The following MROH6 variants were observed in gnomAD, a reference collection of about 807,000 sequenced individuals.
The protein encoded by MROH6 is maestro heat-like repeat-containing protein family member 6.
A neutral mutation model predicts 67.7 loss-of-function variants in MROH6; 62 were observed. The observed-to-expected ratio is 0.92, with a 90% confidence interval of 0.75 to 1.13. The LOEUF (loss-of-function observed/expected upper bound fraction) is 1.13, where lower values mean the gene tolerates loss of function less well. MROH6 is among the 50% of genes most tolerant of loss of function. The probability of loss-of-function intolerance (pLI) is 0.00; values close to 1 mark genes in which losing one functional copy is unlikely to be tolerated. For missense variants in MROH6, 1,175 were observed against 1,029.1 expected, an observed-to-expected ratio of 1.14 and a Z score of -1.94; for synonymous variants, 566 against 470.8, an observed-to-expected ratio of 1.20 and a Z score of -2.62.
rs1393179259 is a variant in MROH6, at chr8:143,567,277, C to A, written c.2122G>T (p.Ala708Ser). The A allele has an allele frequency of 6.5e-6, 8 of 1,222,670 alleles. No homozygotes were observed. Among genetic ancestry groups the A allele is most frequent in the African/African-American group, 3.1e-5 (2 of 63,950 alleles). 75.7% of individuals were successfully genotyped at this position (1,222,670 alleles called of 1,614,324 possible). ...ADSPFQRRSV[A>S]GRWGCSGPRR... ...GGTCCGGAGCAGCCCCAGCGGCCCG[C>A]GACGCTCCGGCGCTGGAAGGGGCTG... Residue 708 changes from alanine to serine, a missense_variant, in exon 14 of 14, where the codon GCG becomes TCG. Ala to Ser is a moderately conservative substitution (Grantham distance 99, BLOSUM62 1). Transcript: ENST00000398882.
rs375541156 is a variant in MROH6, at chr8:143,567,882, G to A, written c.1771C>T (p.Arg591Ter). The A allele has an allele frequency of 2.9e-5, 44 of 1,523,180 alleles. No homozygotes were observed. Among genetic ancestry groups the A allele is most frequent in the East Asian group, 1.6e-4 (7 of 44,088 alleles). 94.4% of individuals were successfully genotyped at this position (1,523,180 alleles called of 1,614,324 possible). ...LSHLCCRLVQ[R>*]YPGHVPNFLS... ...AAGTTGGGCACGTGGCCTGGGTATC[G>A]CTGAACCTGGGGACAAAAGGGCTAG... Residue 591 changes from arginine to a stop codon, truncating the protein, a stop_gained, in exon 12 of 14, where the codon CGA becomes TGA. Coordinates refer to ENST00000398882, the MANE Select transcript of MROH6 (RefSeq NM_001100878.2). LOFTEE classifies it high-confidence loss of function.
intron 2 of MROH6, 48 bp from the exon 3 acceptor site, chr8:143,571,869 C>G: frequency 6.6e-7 from 1 of 1,516,756 alleles, no homozygotes; most frequent in African/African-American, 1.4e-5. Context: ...CCTCCACCGT[C>G]CATTCCCCTC....
intron 4 of MROH6, 53 bp downstream of exon 4, chr8:143,570,822 CCT>C: frequency 1.5e-6 from 2 of 1,330,216 alleles, no homozygotes; most frequent in Non-Finnish European, 2.1e-6. Context: ...CCTCCCCGCT[CCT>C]CGCCACCCCC....
intron 11 of MROH6, 43 bp downstream of exon 11, chr8:143,568,099 G>T: frequency 6.4e-7 from 1 of 1,558,136 alleles, no homozygotes. Flanking sequence ...CAAGTGGGCT[G>T]CTGATCATAC....
At position 143,569,705 on chromosome 8, in the gene MROH6, G is replaced by A. The variant is rs746394856; in HGVS notation, c.1294C>T (p.Arg432Cys). Reference protein sequence around the residue: ...LLGLGHLALNRRKVRHVSTLL... With the variant: ...LLGLGHLALNCRKVRHVSTLL... ...CTCCCCTTCTCTCACACCTTCCTGCGATTCAGCGCGAGGTGGCCCAGGCCC... is the reference window on the plus strand; with the variant it reads ...CTCCCCTTCTCTCACACCTTCCTGCAATTCAGCGCGAGGTGGCCCAGGCCC... Residue 432 changes from arginine (R) to cysteine (C), a missense_variant, in exon 8 of 14, where the codon CGC (arginine) becomes TGC (cysteine). Arg to Cys is a radical substitution (Grantham distance 180, BLOSUM62 -3). Transcript: ENST00000398882. 6.2e-6 allele frequency: 10 copies of A among 1,612,724 alleles called. No homozygotes were observed. The highest frequency in any genetic ancestry group is 1.3e-5 in the African/African-American group (1 of 74,918).
intron 11 of MROH6, 95 bp from the exon 12 acceptor site, chr8:143,567,983 GC>G: frequency 2.1e-6 from 3 of 1,417,776 alleles, no homozygotes; most frequent in Non-Finnish European, 2.8e-6. Flanking sequence ...TTCCAGGGGA[GC>G]CCCCAGGGCA....
At position 143,572,674 on chromosome 8, in the gene MROH6, G is replaced by A. The variant is rs1025165205; in HGVS notation, c.41C>T (p.Ala14Val). ...TGTCAGGGTTAGAGCCCCCACGGGA[G>A]CCTCCCGGGCCCGGCTCCGGCCCCA... ...GVWGRSRAREAPVGALTLTAL... is the reference protein window; with the variant it reads ...GVWGRSRAREVPVGALTLTAL... Residue 14 changes from alanine to valine, a missense_variant, in exon 1 of 14, where the codon GCT (alanine) becomes GTT (valine). Coordinates refer to ENST00000398882, the MANE Select transcript of MROH6 (RefSeq NM_001100878.2). 14 of 1,537,020 alleles carry A rather than the reference G, an allele frequency of 9.1e-6. No homozygotes were observed. Among genetic ancestry groups the A allele is most frequent in the Non-Finnish European group, 1.2e-5 (14 of 1,145,192 alleles).
chr8:143,572,261 C>G, intron 1 of MROH6, 76 bp from the exon 2 acceptor site: 1 of 1,571,082 alleles, frequency 6.4e-7, no homozygotes, highest in Non-Finnish European at 8.6e-7. Flanking sequence ...GGCCTCCCAC[C>G]TGGCTTCCTA....
At position 143,572,721 on chromosome 8, in the gene MROH6, C is replaced by T. The variant is rs754962310; in HGVS notation, c.-7G>A. On this transcript the variant is annotated 5_prime_UTR_variant, in exon 1 of 14. Transcript: ENST00000398882. ...CCCACACACCCCCAGCCATGGCGGC[C>T]CTTGCCTGCAGCACCTGCCGCTGCT... The T allele has an allele frequency of 3.4e-6, 5 of 1,470,116 alleles. No homozygotes were observed. The South Asian group carries it at 6.8e-5, about 20-fold the overall frequency. The allele number at this position is 1,470,116 out of a possible 1,614,324, so 91.1% of individuals were successfully genotyped here.
Position 143,567,377 on chromosome 8 carries a change from G to GGC in MROH6, c.2020_2021dup (p.Arg675ProfsTer145), listed in dbSNP as rs1823675160. Reference sequence around the variant, plus strand: ...GGCGGGGCCCGCGGGGGCAGCCCCGGGCACGGGCCAGCATCGCCACCTGCT... The same window carrying GGC: ...GGCGGGGCCCGCGGGGGCAGCCCCGGGCGCACGGGCCAGCATCGCCACCTGCT... On this transcript the variant is annotated frameshift_variant, in exon 14 of 14. Coordinates refer to ENST00000398882, the MANE Select transcript of MROH6 (RefSeq NM_001100878.2). LOFTEE classifies it low-confidence loss of function (END_TRUNC). The GGC allele has an allele frequency of 8.1e-7, 1 of 1,236,596 alleles. No individual in the cohort carries two copies. Among genetic ancestry groups the GGC allele is most frequent in the South Asian group, 3.6e-5 (1 of 27,490 alleles). The allele number at this position is 1,236,596 out of a possible 1,614,324, so 76.6% of individuals were successfully genotyped here.
In MROH6 at chr8:143,570,461, GTTGCCTCTC is replaced by G. The variant is rs753449052; in HGVS notation, c.905+3_905+11del. On this transcript the variant is annotated splice_donor_5th_base_variant and intron_variant, in intron 5 of 13. Coordinates refer to ENST00000398882, the MANE Select transcript of MROH6 (RefSeq NM_001100878.2). Reference sequence around the variant, plus strand: ...GCTGGCCCGCCCCACGTAACCTGGTGTTGCCTCTCACCTGGCATGGCTATGTGGTGGCCC... The same window carrying G: ...GCTGGCCCGCCCCACGTAACCTGGTGACCTGGCATGGCTATGTGGTGGCCC... 1 of 1,582,400 alleles carries G rather than the reference GTTGCCTCTC, an allele frequency of 6.3e-7. No individual in the cohort carries two copies. Among genetic ancestry groups the G allele is most frequent in the South Asian group, 1.2e-5 (1 of 86,154 alleles).
rs1455305772 is a variant in MROH6 at position 143,570,033 on chromosome 8, C to T, written c.1076G>A (p.Arg359Gln). Residue 359 changes from arginine (R) to glutamine (Q), a missense_variant, in exon 7 of 14, where the codon CGA becomes CAA. Physicochemically the swap from Arg to Gln is conservative, Grantham distance 43. Transcript: ENST00000398882. The part of the protein sequence containing the change: ...AMVAHADHHL[R>Q]GLFADLLPRL... ...AGGGAGCAAGTCTGCGAAGAGGCCT[C>T]GCAGGTGGTGGTCGGCATGTGCCAC... 3.7e-6 allele frequency: 6 copies of T among 1,612,578 alleles called. No individual in the cohort carries two copies. The highest frequency in any genetic ancestry group is 2.7e-5 in the African/African-American group (2 of 75,012).
In MROH6 at chr8:143,571,010, G is replaced by C; in HGVS notation, c.603-16C>G. 1 of 1,547,170 alleles carries C rather than the reference G, an allele frequency of 6.5e-7. No homozygotes were observed. Among genetic ancestry groups the C allele is most frequent in the Non-Finnish European group, 8.7e-7 (1 of 1,145,568 alleles). On this transcript the variant is annotated splice_polypyrimidine_tract_variant and intron_variant, in intron 3 of 13. Coordinates refer to ENST00000398882, the MANE Select transcript of MROH6 (RefSeq NM_001100878.2). ...GGCTGCTACCCTGAGGGTTTGGAGG[G>C]GGCTGGTGTGAGACAAGAGATGGGT...
Position 143,568,628 on chromosome 8 carries a change from G to C in MROH6, c.1568C>G (p.Pro523Arg), listed in dbSNP as rs776166679. 2.6e-6 allele frequency: 4 copies of C among 1,538,390 alleles called. No homozygotes were observed. Among genetic ancestry groups the C allele is most frequent in the Admixed American group, 3.9e-5 (2 of 51,218 alleles). Residue 523 changes from proline (P) to arginine (R), a missense_variant, in exon 10 of 14, where the codon CCC (proline) becomes CGC (arginine). Transcript: ENST00000398882. ...ACTCTGCAGCACCAGCTTCCGCAGG[G>C]GGCCGCGGAGCCCCAGCCGGAGCCC... ...RGGLRLGLRG[P>R]LRKLVLQSLV...
rs745639075 is a variant in MROH6, at chr8:143,572,537, C to G, written c.178G>C (p.Ala60Pro). Residue 60 changes from alanine (A) to proline (P), a missense_variant, in exon 1 of 14, where the codon GCA becomes CCA. Coordinates refer to ENST00000398882, the MANE Select transcript of MROH6 (RefSeq NM_001100878.2). ...VKPEAEPQTQALTAPSEAEPG... is the reference protein window; with the variant it reads ...VKPEAEPQTQPLTAPSEAEPG... Reference sequence around the variant, plus strand: ...TCTGCCTCAGAGGGGGCGGTGAGTGCCTGGGTCTGTGGCTCAGCCTCAGGT... The same window carrying G: ...TCTGCCTCAGAGGGGGCGGTGAGTGGCTGGGTCTGTGGCTCAGCCTCAGGT... The G allele has an allele frequency of 6.2e-7, 1 of 1,606,600 alleles. No homozygotes were observed. Among genetic ancestry groups the G allele is most frequent in the Non-Finnish European group, 8.5e-7 (1 of 1,177,490 alleles).
intron 13 of MROH6, 69 bp from the exon 14 acceptor site, chr8:143,567,534 C>T: frequency 6.8e-7 from 1 of 1,467,394 alleles, no homozygotes; most frequent in East Asian, 2.5e-5. Flanking sequence ...TGGCCCTCCA[C>T]CCACCGCTCC....
Position 143,568,631 on chromosome 8 carries a change from C to A in MROH6, c.1565G>T (p.Gly522Val). 1 of 1,537,416 alleles carries A rather than the reference C, an allele frequency of 6.5e-7. No individual in the cohort carries two copies. The highest frequency in any genetic ancestry group is 1.2e-5 in the South Asian group (1 of 84,232). ...GRGGLRLGLR[G>V]PLRKLVLQSL... Reference sequence around the variant, plus strand: ...CTGCAGCACCAGCTTCCGCAGGGGGCCGCGGAGCCCCAGCCGGAGCCCGCC... The same window carrying A: ...CTGCAGCACCAGCTTCCGCAGGGGGACGCGGAGCCCCAGCCGGAGCCCGCC... The change falls in exon 10 of 14, where the codon GGC (glycine) becomes GTC (valine). Residue 522 changes from glycine (G) to valine (V), a missense_variant. Coordinates refer to ENST00000398882, the MANE Select transcript of MROH6 (RefSeq NM_001100878.2).
rs1169453066 is a variant in MROH6 at position 143,567,281 on chromosome 8, G to A, written c.2118C>T (p.Ser706=). ...CGGAGCAGCCCCAGCGGCCCGCGAC[G>A]CTCCGGCGCTGGAAGGGGCTGTCGG... ...VFADSPFQRR[S]VAGRWGCSGP... Residue 706 remains serine (S), a synonymous_variant, in exon 14 of 14, where the codon AGC becomes AGT. Transcript: ENST00000398882. The A allele has an allele frequency of 1.1e-4, 129 of 1,222,516 alleles. No homozygotes were observed. Among genetic ancestry groups the A allele is most frequent in the Middle Eastern group, 3.2e-4 (1 of 3,148 alleles). The allele number at this position is 1,222,516 out of a possible 1,614,324, so 75.7% of individuals were successfully genotyped here. A position where few individuals can be genotyped will look rare whatever the true frequency, so the allele number is the denominator to read the frequency against.
chr8:143,569,209 G>A (rs1416741082), intron 9 of MROH6, among the ~76,000 whole-genome samples: 2 of 48,610 alleles, frequency 4.1e-5, no homozygotes, highest in Non-Finnish European at 4.1e-5. Context: ...GGGAGGGAGA[G>A]ACTGTAGGGG....
Sources: allele counts gnomAD v4.1 joint callset (sites outside exome capture counted in the v4.1 genomes callset), GRCh38; gene constraint gnomAD v4.1.1; transcripts MANE v1.5; gene names NCBI Gene and HGNC (gene_info 2026-07-23, HGNC 2026-07-21).